The following CPPED1 variants were observed in gnomAD, a reference collection of about 807,000 sequenced individuals.
CPPED1 encodes the protein calcineurin like phosphoesterase domain containing 1, also known as serine/threonine-protein phosphatase CPPED1.
CPPED1 carries 28 observed loss-of-function variants against 28.0 expected under a neutral mutation model. The ratio of observed to expected loss-of-function variants is 1.00; its 90% confidence interval spans 0.74 to 1.37. The LOEUF is 1.37. Among genes scored for constraint, CPPED1 ranks in the 40% most tolerant of loss-of-function variants. The pLI, the probability that CPPED1 is intolerant of heterozygous loss-of-function variation, is 0.00. For missense variants in CPPED1, 504 were observed against 416.5 expected (o/e 1.21, Z -1.83); for synonymous variants, 198 against 180.2 (o/e 1.10, Z -0.79).
chr16:12,798,428 C>A (rs2080639900), intron 1 of CPPED1, among the ~76,000 whole-genome samples: 1 of 152,180 alleles, frequency 6.6e-6, no homozygotes, highest in African/African-American at 2.4e-5. Flanking sequence ...TTTGTTCAAA[C>A]TTGGAGATAC....
intron 3 of CPPED1, 98 bp downstream of exon 3, chr16:12,704,526 C>T: frequency 2.3e-6 from 3 of 1,301,970 alleles, no homozygotes; most frequent in Non-Finnish European, 3.2e-6. Flanking sequence ...AGTCCTCTCT[C>T]CCTTTTTGAC....
At chr16:12,793,576 A>T (rs1407043246) in intron 1 of CPPED1, among the ~76,000 whole-genome samples, 1 of 152,166 alleles carries the variant, frequency 6.6e-6, no homozygotes, top group Admixed American at 6.5e-5. Flanking sequence ...AACAGCTCCT[A>T]CCTCAAAAGG....
intron 2 of CPPED1, among the ~76,000 whole-genome samples, chr16:12,756,723 T>A (rs1195029774): frequency 2.0e-5 from 3 of 151,774 alleles, no homozygotes; most frequent in Admixed American, 6.6e-5. Context: ...AAAAATAAAA[T>A]TAAAACAGTG....
intron 2 of CPPED1, among the ~76,000 whole-genome samples, chr16:12,738,520 G>A (rs771088440): frequency 6.6e-6 from 1 of 152,098 alleles, no homozygotes; most frequent in Non-Finnish European, 1.5e-5. Context: ...TCACAAATGT[G>A]TAACTGTAAG....
intron 2 of CPPED1, among the ~76,000 whole-genome samples, chr16:12,777,131 A>G (rs1455984288): frequency 6.6e-6 from 1 of 152,232 alleles, no homozygotes; most frequent in African/African-American, 2.4e-5. Context: ...ATCAACTGAA[A>G]CTAAGTCACA....
chr16:12,765,864 C>T (rs997358053), intron 2 of CPPED1, among the ~76,000 whole-genome samples: 4 of 152,010 alleles, frequency 2.6e-5, no homozygotes, highest in African/African-American at 9.7e-5. Flanking sequence ...TTTTTTCATT[C>T]CACATTCTGA....
chr16:12,788,653 C>T (rs1451534753), intron 1 of CPPED1, among the ~76,000 whole-genome samples: 2 of 152,180 alleles, frequency 1.3e-5, no homozygotes, highest in Non-Finnish European at 2.9e-5. Flanking sequence ...AACTTCTACC[C>T]AAGAGCTATT....
chr16:12,672,423 T>C (rs1018049220), intron 3 of CPPED1, among the ~76,000 whole-genome samples: 1 of 152,214 alleles, frequency 6.6e-6, no homozygotes, highest in African/African-American at 2.4e-5. Flanking sequence ...TTAAATGACA[T>C]TATGCGCATT....
At chr16:12,714,724 T>C (rs1273157224) in intron 2 of CPPED1, among the ~76,000 whole-genome samples, 1 of 152,220 alleles carries the variant, frequency 6.6e-6, no homozygotes, top group Non-Finnish European at 1.5e-5. Flanking sequence ...TTTGCAAGTA[T>C]TCCCTCCCAT....
At chr16:12,701,127 G>A (rs909942203) in intron 3 of CPPED1, among the ~76,000 whole-genome samples, 3 of 152,020 alleles carry the variant, frequency 2.0e-5, no homozygotes, top group Non-Finnish European at 4.4e-5. Flanking sequence ...TACTTAGGGG[G>A]CTGAGGTGGG....
chr16:12,785,606 T>C (rs2080558126), intron 1 of CPPED1, among the ~76,000 whole-genome samples: 1 of 151,990 alleles, frequency 6.6e-6, no homozygotes, highest in Non-Finnish European at 1.5e-5. Flanking sequence ...TTTTGTAGTT[T>C]TAGTAGAGAC....
At chr16:12,723,433 G>A (rs2080152858) in intron 2 of CPPED1, among the ~76,000 whole-genome samples, 1 of 152,174 alleles carries the variant, frequency 6.6e-6, no homozygotes. Context: ...AGGTCGTTAG[G>A]GTGAGCCTTA....
chr16:12,797,987 G>A (rs1227496250), intron 1 of CPPED1, among the ~76,000 whole-genome samples: 1 of 152,188 alleles, frequency 6.6e-6, no homozygotes, highest in East Asian at 1.9e-4. Flanking sequence ...GGAGGCTGAG[G>A]TGGGAGGATC....
chr16:12,708,271 C>T (rs2080062174), intron 2 of CPPED1, among the ~76,000 whole-genome samples: 6 of 152,084 alleles, frequency 3.9e-5, no homozygotes, highest in Admixed American at 3.9e-4. Context: ...GTGAGTGTGC[C>T]CTGGGGTTGG....
intron 2 of CPPED1, among the ~76,000 whole-genome samples, chr16:12,776,780 G>A (rs1383423638): frequency 6.6e-6 from 1 of 152,106 alleles, no homozygotes; most frequent in South Asian, 2.1e-4. Flanking sequence ...TTAGCCGGGT[G>A]TGGTGGTGTG....
chr16:12,719,711 G>A (rs2080128223), intron 2 of CPPED1, among the ~76,000 whole-genome samples: 1 of 152,104 alleles, frequency 6.6e-6, no homozygotes. Context: ...AAGGCATGTG[G>A]ATCACCTGAG....
At chr16:12,722,987 C>T (rs1218723833) in intron 2 of CPPED1, among the ~76,000 whole-genome samples, 1 of 152,172 alleles carries the variant, frequency 6.6e-6, no homozygotes, top group East Asian at 1.9e-4. Flanking sequence ...ACTCTCCTCA[C>T]CCCTATTTCA....
rs1413589084 is a variant in CPPED1, at chr16:12,799,305, G to A, written c.70+4402C>T. 4.6e-5 allele frequency among the ~76,000 whole-genome samples: 7 copies of A among 150,556 alleles called. No homozygotes were observed. In the South Asian group the frequency reaches 6.3e-4, roughly 14 times the overall value. On this transcript the variant is annotated intron_variant, in intron 1 of 3. Transcript: ENST00000381774. Reference sequence around the variant, plus strand: ...TCTGTCTCCTAGGCTAGAGTGCAGCGGGCAATCTTGGCTTACTGCAACCTC... The same window carrying A: ...TCTGTCTCCTAGGCTAGAGTGCAGCAGGCAATCTTGGCTTACTGCAACCTC...
Position 12,660,281 on chromosome 16 carries a change from T to G in CPPED1, c.*4605A>C, listed in dbSNP as rs2079786641. The G allele has an allele frequency of 6.6e-6, 1 of 152,202 alleles. No individual in the cohort carries two copies. Among genetic ancestry groups the G allele is most frequent in the African/African-American group, 2.4e-5 (1 of 41,432 alleles). 9.4% of individuals were successfully genotyped at this position (152,202 alleles called of 1,614,324 possible). On this transcript the variant is annotated 3_prime_UTR_variant, in exon 4 of 4. Coordinates refer to ENST00000381774, the MANE Select transcript of CPPED1 (RefSeq NM_018340.3). ...AGTGAAGAAATCTACTTCTCAAACATAATGGTCAGAATAATGAAGGGTAAC... is the reference window on the plus strand; with the variant it reads ...AGTGAAGAAATCTACTTCTCAAACAGAATGGTCAGAATAATGAAGGGTAAC...
Sources: gnomAD v4.1 joint callset for allele counts (sites outside exome capture counted in the v4.1 genomes callset) on GRCh38, gnomAD v4.1.1 for gene constraint, MANE v1.5 for transcripts, NCBI Gene and HGNC (gene_info 2026-07-23, HGNC 2026-07-21) for gene names.